Variants in STXBP5 observed in about 807,000 individuals in gnomAD.
STXBP5 encodes syntaxin-binding protein 5.
Under a neutral mutation model 152.4 loss-of-function variants are expected in STXBP5, and 50 were observed. The ratio of observed to expected loss-of-function variants is 0.33; its 90% CI spans 0.26 to 0.42. The LOEUF (loss-of-function observed/expected upper bound fraction) is 0.42, where lower values mean the gene tolerates loss of function less well. Among genes scored for constraint, STXBP5 ranks in the 10% least tolerant of loss-of-function variants. The pLI, the probability that STXBP5 is intolerant of heterozygous loss-of-function variation, is 1.00. For missense variants in STXBP5, 1,167 were observed against 1,388.6 expected (o/e 0.84, Z 2.54); for synonymous variants, 492 against 494.7 (o/e 0.99, Z 0.07).
At chr6:147,246,416 A>G (rs908541254) in intron 4 of STXBP5, among the ~76,000 whole-genome samples, 1 of 152,154 alleles carries the variant, frequency 6.6e-6, no homozygotes, top group African/African-American at 2.4e-5. Context: ...TTATTGTTTA[A>G]TATTTTTACC....
chr6:147,342,399 C>T (rs917593772), intron 21 of STXBP5, among the ~76,000 whole-genome samples: 2 of 152,108 alleles, frequency 1.3e-5, no homozygotes, highest in Admixed American at 6.6e-5. Flanking sequence ...CTGACAATGA[C>T]CTTGATCTTG....
chr6:147,293,334 T>C (rs1781369727), intron 9 of STXBP5: 2 of 152,220 alleles, frequency 1.3e-5, no homozygotes, highest in African/African-American at 2.4e-5. Context: ...CAATTTCTTT[T>C]GTCACCTAAG....
chr6:147,226,780 A>G (rs1777738937), intron 2 of STXBP5, among the ~76,000 whole-genome samples: 1 of 152,190 alleles, frequency 6.6e-6, no homozygotes, highest in Non-Finnish European at 1.5e-5. Context: ...CTGTTGCTAA[A>G]CTTTTGAGAT....
intron 1 of STXBP5, 112 bp from the exon 2 acceptor site, chr6:147,205,859 A>G: frequency 2.8e-6 from 2 of 714,492 alleles, no homozygotes; most frequent in Non-Finnish European, 5.0e-6. Context: ...GTGCATGTGT[A>G]TGTGTTTTGC....
At chr6:147,289,845 C>A (rs558757150) in intron 8 of STXBP5, among the ~76,000 whole-genome samples, 1 of 152,030 alleles carries the variant, frequency 6.6e-6, no homozygotes, top group South Asian at 2.1e-4. Context: ...CCCAGATATA[C>A]TATATGCCAA....
In STXBP5 at chr6:147,372,406, C is replaced by CTTTTTTTT. The variant is rs1583009383; in HGVS notation, c.3082-1325_3082-1324insTTTTTTTT. Among the ~76,000 whole-genome samples, 370 of 39,104 alleles carry CTTTTTTTT rather than the reference C, an allele frequency of 9.5e-3. 177 individuals carry two copies. Among genetic ancestry groups the CTTTTTTTT allele is most frequent in the Middle Eastern group, 0.027 (2 of 74 alleles). 25.7% of individuals were successfully genotyped at this position (39,104 alleles called of 152,430 possible). A position where few individuals can be genotyped will look rare whatever the true frequency, so the allele number is the denominator to read the frequency against. ...ATATAAATGTTACTACCGTCCTTTT[C>CTTTTTTTT]CTTTTTTTTTTTTTTTTTTTTTTTT... On this transcript the variant is annotated intron_variant, in intron 25 of 27. Transcript: ENST00000321680.
intron 2 of STXBP5, among the ~76,000 whole-genome samples, chr6:147,225,060 G>T (rs1226420307): frequency 6.6e-6 from 1 of 152,126 alleles, no homozygotes; most frequent in East Asian, 1.9e-4. Context: ...CCTGTTTGCT[G>T]AAAGTAAAAG....
At chr6:147,244,812 T>C (rs1778726956) in intron 4 of STXBP5, among the ~76,000 whole-genome samples, 1 of 152,170 alleles carries the variant, frequency 6.6e-6, no homozygotes, top group African/African-American at 2.4e-5. Context: ...CCTCCTTTTT[T>C]GTTTCTATGA....
intron 19 of STXBP5, among the ~76,000 whole-genome samples, chr6:147,338,001 T>C (rs1263562712): frequency 6.6e-6 from 1 of 151,858 alleles, no homozygotes; most frequent in Non-Finnish European, 1.5e-5. Context: ...TATTGGAGAG[T>C]GTTATATGTG....
At position 147,313,939 on chromosome 6, in the gene STXBP5, T is replaced by C; in HGVS notation, c.1201T>C (p.Cys401Arg). 1 of 1,602,882 alleles carries C rather than the reference T, an allele frequency of 6.2e-7. No homozygotes were observed. Among genetic ancestry groups the C allele is most frequent in the Non-Finnish European group, 8.5e-7 (1 of 1,172,262 alleles). The change falls in exon 12 of 28, where the codon TGT becomes CGT. Residue 401 changes from cysteine (C) to arginine (R), a missense_variant. Physicochemically the swap from Cys to Arg is radical, Grantham distance 180. Around this residue, in one of 3 missense-constraint regions of STXBP5, gnomAD observed 833 missense variants for 986.3 expected, o/e 0.84. Coordinates refer to ENST00000321680, the MANE Select transcript of STXBP5 (RefSeq NM_001127715.4). ...PLSIHESPVTCCEYFADCPVD... is the reference protein window; with the variant it reads ...PLSIHESPVTRCEYFADCPVD... ...GAGTATACATGAGTCCCCTGTTACA[T>C]GTTGCGAATATTTTGCGGATTGTCC...
intron 26 of STXBP5, among the ~76,000 whole-genome samples, chr6:147,380,819 A>G (rs1231801610): frequency 6.6e-6 from 1 of 152,176 alleles, no homozygotes; most frequent in African/African-American, 2.4e-5. Context: ...TAAAAACTCA[A>G]TAATAGAAGA....
At chr6:147,326,430 T>G (rs1312822108) in intron 17 of STXBP5, among the ~76,000 whole-genome samples, 1 of 152,158 alleles carries the variant, frequency 6.6e-6, no homozygotes, top group Non-Finnish European at 1.5e-5. Context: ...TGTGGCCGTG[T>G]CCGTGTTTCT....
chr6:147,363,712 T>C lies in STXBP5; in HGVS notation c.2915+8T>C, dbSNP rs760428159. ...ACATATAATGACTTTTAGGTAAGAG[T>C]TAGATATGTTTTAAAACACAGATAT... On this transcript the variant is annotated splice_region_variant and intron_variant, in intron 24 of 27. Coordinates refer to ENST00000321680, the MANE Select transcript of STXBP5 (RefSeq NM_001127715.4). The C allele has an allele frequency of 1.3e-6, 2 of 1,592,726 alleles. No homozygotes were observed. The highest frequency in any genetic ancestry group is 1.1e-5 in the South Asian group (1 of 87,094).
intron 2 of STXBP5, among the ~76,000 whole-genome samples, chr6:147,212,297 A>G (rs566082730): frequency 6.6e-6 from 1 of 152,316 alleles, no homozygotes; most frequent in South Asian, 2.1e-4. Context: ...TTTAAGTAAG[A>G]TGAGTTTTTA....
chr6:147,221,591 T>C (rs897588839), intron 2 of STXBP5, among the ~76,000 whole-genome samples: 9 of 151,976 alleles, frequency 5.9e-5, no homozygotes, highest in Admixed American at 6.6e-5. Flanking sequence ...TTCTCTCTCT[T>C]CTTGCCTGCA....
At chr6:147,206,449 A>G (rs2115010319) in intron 2 of STXBP5, among the ~76,000 whole-genome samples, 1 of 152,320 alleles carries the variant, frequency 6.6e-6, no homozygotes, top group East Asian at 1.9e-4. Context: ...TGCATGGTAG[A>G]TATTGAACTT....
At chr6:147,253,685 C>T (rs748916967) in intron 4 of STXBP5, among the ~76,000 whole-genome samples, 2 of 152,150 alleles carry the variant, frequency 1.3e-5, no homozygotes, top group Non-Finnish European at 2.9e-5. Flanking sequence ...TAAGTGAACT[C>T]CCATTCACCA....
chr6:147,249,474 C>A (rs1778980707), intron 4 of STXBP5, among the ~76,000 whole-genome samples: 2 of 152,074 alleles, frequency 1.3e-5, no homozygotes, highest in African/African-American at 4.8e-5. Flanking sequence ...AAAGTGGTTC[C>A]TTGTTGTATA....
rs1390488001 is a variant in STXBP5 at position 147,358,994 on chromosome 6, TTAAC to T, written c.2306-87_2306-84del. ...GACGTAGGTTTTGTCTTCTTGCAGA[TTAAC>T]TATTTGACCAAATTTATATTAAAAA... On this transcript the variant is annotated intron_variant, in intron 22 of 27. Coordinates refer to ENST00000321680, the MANE Select transcript of STXBP5 (RefSeq NM_001127715.4). The T allele has an allele frequency of 4.2e-6, 6 of 1,444,506 alleles. 1 individual carries two copies. In the South Asian group the frequency reaches 5.5e-5, roughly 13 times the overall value. The allele number at this position is 1,444,506 out of a possible 1,614,324, so 89.5% of individuals were successfully genotyped here. A position where few individuals can be genotyped will look rare whatever the true frequency, so the allele number is the denominator to read the frequency against.
Sources: gnomAD v4.1 joint callset for allele counts (sites outside exome capture counted in the v4.1 genomes callset) on GRCh38, gnomAD v4.1.1 for gene constraint, gnomAD v4.1.1 regional missense constraint, MANE v1.5 for transcripts, NCBI Gene and HGNC (gene_info 2026-07-23, HGNC 2026-07-21) for gene names.